Variants in LRMDA observed in about 807,000 individuals in gnomAD.
LRMDA encodes the protein leucine rich melanocyte differentiation associated, also known as leucine-rich melanocyte differentiation-associated protein.
LRMDA carries 18 observed loss-of-function variants against 29.8 expected under a neutral mutation model. That is an observed-to-expected ratio of 0.60 (90% CI 0.42 to 0.90). The LOEUF is 0.90. LRMDA is among the 40% of genes least tolerant of loss of function. The pLI is 0.00. For missense variants in LRMDA, 273 were observed against 273.9 expected, an observed-to-expected ratio of 1.00 and a Z score of 0.02; for synonymous variants, 125 against 109.4, an observed-to-expected ratio of 1.14 and a Z score of -0.89.
intron 5 of LRMDA, among the ~76,000 whole-genome samples, chr10:76,097,727 T>A (rs2132098699): frequency 6.6e-6 from 1 of 152,322 alleles, no homozygotes; most frequent in East Asian, 1.9e-4. Context: ...ATTGATTGAT[T>A]TTTGAATATT....
chr10:76,396,667 C>T (rs1841787940), intron 6 of LRMDA: 1 of 152,170 alleles, frequency 6.6e-6, no homozygotes, highest in Non-Finnish European at 1.5e-5. Context: ...ACCACTAGAA[C>T]TGACTTATGG....
At chr10:76,126,933 C>T (rs1849894204) in intron 5 of LRMDA, among the ~76,000 whole-genome samples, 1 of 152,256 alleles carries the variant, frequency 6.6e-6, no homozygotes. Flanking sequence ...AGGTTGGCCA[C>T]TTCTCAGTCC....
At chr10:75,644,800 G>A (rs555849439) in intron 2 of LRMDA, among the ~76,000 whole-genome samples, 1 of 152,280 alleles carries the variant, frequency 6.6e-6, no homozygotes, top group African/African-American at 2.4e-5. Flanking sequence ...TAAACCTCAT[G>A]AATGAGAACT....
intron 2 of LRMDA, among the ~76,000 whole-genome samples, chr10:75,898,547 A>T (rs2132361741): frequency 6.6e-6 from 1 of 151,926 alleles, no homozygotes; most frequent in Admixed American, 6.5e-5. Flanking sequence ...CCGGGAAAGC[A>T]GGGAGAGGAG....
At chr10:75,708,010 A>G (rs1016654342) in intron 2 of LRMDA, among the ~76,000 whole-genome samples, 4 of 151,980 alleles carry the variant, frequency 2.6e-5, no homozygotes, top group African/African-American at 7.3e-5. Context: ...GTGTTTCATG[A>G]GCTTAGCAAA....
intron 6 of LRMDA, among the ~76,000 whole-genome samples, chr10:76,526,331 G>A (rs1173358489): frequency 4.6e-5 from 7 of 152,162 alleles, no homozygotes; most frequent in Admixed American, 4.6e-4. Flanking sequence ...CTGTCTTTCT[G>A]TCCTACTACC....
chr10:76,261,064 C>CTTTTTTTTTTTTTTT lies in LRMDA; in HGVS notation c.517-63333_517-63319dup, dbSNP rs58554883. Among the ~76,000 whole-genome samples the CTTTTTTTTTTTTTTT allele has an allele frequency of 5.9e-5, 7 of 117,732 alleles. 1 individual carries two copies. Among genetic ancestry groups the CTTTTTTTTTTTTTTT allele is most frequent in the African/African-American group, 1.0e-4 (3 of 29,608 alleles). The allele number at this position is 117,732 out of a possible 152,430, so 77.2% of individuals were successfully genotyped here. A position where few individuals can be genotyped will look rare whatever the true frequency, so the allele number is the denominator to read the frequency against. Reference sequence around the variant, plus strand: ...GATTGACTTGCGTTTCTTTTCTTTTCTTTTTTTTTTTTTTTTTTGAGACGG... The same window carrying CTTTTTTTTTTTTTTT: ...GATTGACTTGCGTTTCTTTTCTTTTCTTTTTTTTTTTTTTTTTTTTTTTTTTTTTTTTTGAGACGG... On this transcript the variant is annotated intron_variant, in intron 5 of 6. Transcript: ENST00000611255.
intron 2 of LRMDA, among the ~76,000 whole-genome samples, chr10:75,617,659 AC>A (rs1229234121): frequency 6.6e-6 from 1 of 152,138 alleles, no homozygotes; most frequent in African/African-American, 2.4e-5. Context: ...CTCCAGCCAA[AC>A]CATTGCATCA....
chr10:75,691,951 C>A (rs572562759), intron 2 of LRMDA, among the ~76,000 whole-genome samples: 1 of 152,180 alleles, frequency 6.6e-6, no homozygotes, highest in South Asian at 2.1e-4. Flanking sequence ...TGCCTGTAAT[C>A]TCAGTGCTTT....
At chr10:75,772,106 C>G (rs529669914) in intron 2 of LRMDA, among the ~76,000 whole-genome samples, 1 of 152,182 alleles carries the variant, frequency 6.6e-6, no homozygotes, top group Non-Finnish European at 1.5e-5. Context: ...CAGCTATGCT[C>G]TAATTCTCAG....
At chr10:76,406,335 G>A (rs1841901417) in intron 6 of LRMDA, among the ~76,000 whole-genome samples, 1 of 152,178 alleles carries the variant, frequency 6.6e-6, no homozygotes, top group Admixed American at 6.5e-5. Flanking sequence ...AAGGCAGTAG[G>A]GAGAGAGGTG....
intron 2 of LRMDA, among the ~76,000 whole-genome samples, chr10:75,875,964 C>T (rs1484888060): frequency 6.6e-6 from 1 of 152,030 alleles, no homozygotes; most frequent in Non-Finnish European, 1.5e-5. Flanking sequence ...GGTGATTGGA[C>T]CCTGGTGGCA....
chr10:76,002,072 C>T (rs1281434652), intron 2 of LRMDA, among the ~76,000 whole-genome samples: 1 of 152,138 alleles, frequency 6.6e-6, no homozygotes, highest in Non-Finnish European at 1.5e-5. Flanking sequence ...GTTCTGGAGT[C>T]TGGAAGTCCA....
intron 2 of LRMDA, among the ~76,000 whole-genome samples, chr10:75,750,450 C>A (rs1433367015): frequency 2.3e-5 from 3 of 130,516 alleles, no homozygotes; most frequent in Non-Finnish European, 3.2e-5. Context: ...GGGTCGCGGC[C>A]GGGCAGAGGC....
intron 5 of LRMDA, among the ~76,000 whole-genome samples, chr10:76,217,898 A>G (rs1424907407): frequency 6.6e-6 from 1 of 152,144 alleles, no homozygotes; most frequent in African/African-American, 2.4e-5. Flanking sequence ...GGCTCTCCCA[A>G]TATTGCTATT....
At chr10:76,307,133 A>G (rs1204081779) in intron 5 of LRMDA, among the ~76,000 whole-genome samples, 2 of 152,076 alleles carry the variant, frequency 1.3e-5, no homozygotes, top group Non-Finnish European at 2.9e-5. Context: ...CCCACCCCTC[A>G]TGTTGCTCTA....
At chr10:75,870,213 C>T (rs940769391) in intron 2 of LRMDA, among the ~76,000 whole-genome samples, 4 of 152,136 alleles carry the variant, frequency 2.6e-5, no homozygotes, top group Non-Finnish European at 4.4e-5. Context: ...TCAGTGTCCA[C>T]AAATAAAGTT....
intron 2 of LRMDA, among the ~76,000 whole-genome samples, chr10:75,699,522 G>A (rs909623244): frequency 3.3e-5 from 5 of 152,128 alleles, no homozygotes; most frequent in African/African-American, 1.2e-4. Flanking sequence ...GAATTTATTT[G>A]TTAAAAATAT....
intron 2 of LRMDA, among the ~76,000 whole-genome samples, chr10:75,728,337 A>G (rs1486006502): frequency 6.6e-6 from 1 of 152,172 alleles, no homozygotes; most frequent in African/African-American, 2.4e-5. Context: ...GGGATTGTAC[A>G]TAAAACCTTA....
Sources: gnomAD v4.1 joint callset for allele counts (sites outside exome capture counted in the v4.1 genomes callset) on GRCh38, gnomAD v4.1.1 for gene constraint, MANE v1.5 for transcripts, NCBI Gene and HGNC (gene_info 2026-07-23, HGNC 2026-07-21) for gene names.